The following CYP2J2 variants were observed in gnomAD, a reference collection of about 807,000 sequenced individuals.
CYP2J2 encodes cytochrome P450 2J2.
Under a neutral mutation model 48.8 loss-of-function variants are expected in CYP2J2, and 41 were observed. That is an observed-to-expected ratio of 0.84 (90% CI 0.66 to 1.09). CYP2J2 has a LOEUF of 1.09. Among genes scored for constraint, CYP2J2 ranks in the 50% least tolerant of loss-of-function variants. The pLI is 0.00. For missense variants in CYP2J2, 644 were observed against 617.3 expected (o/e 1.04, Z -0.46); for synonymous variants, 221 against 227.1 (o/e 0.97, Z 0.24).
At chr1:59,960,338 A>G in the CYP2J2 span, among the ~76,000 whole-genome samples, 1 of 152,220 alleles carries the variant, frequency 6.6e-6, no homozygotes, top group African/African-American at 2.4e-5. Context: ...AGAGAGCTGG[A>G]GAAATTATAC....
rs762010130 is a variant in CYP2J2, at chr1:59,893,676, C to G, written c.1484G>C (p.Arg495Pro). The G allele has an allele frequency of 6.2e-7, 1 of 1,612,474 alleles. No homozygotes were observed. The highest frequency in any genetic ancestry group is 8.5e-7 in the Non-Finnish European group (1 of 1,179,280). Residue 495 changes from arginine (R) to proline (P), a missense_variant, in exon 9 of 9, where the codon CGC (arginine) becomes CCC (proline). Coordinates refer to ENST00000371204, the MANE Select transcript of CYP2J2 (RefSeq NM_000775.4). ...TTACACCTGAGGAACAGCGCAGAGG[C>G]GGTGACTGACTGGGGAAATGGTGAT... is the stretch of plus-strand genomic sequence containing the variant. ...MGITISPVSHRLCAVPQV is the reference protein window; with the variant it reads ...MGITISPVSHPLCAVPQV
chr1:59,939,186 T>C, the CYP2J2 span, among the ~76,000 whole-genome samples: 1 of 152,214 alleles, frequency 6.6e-6, no homozygotes, highest in South Asian at 2.1e-4. Flanking sequence ...TAGGTATTTA[T>C]TGTAGTCTTC....
At chr1:59,935,111 T>C in the CYP2J2 span, among the ~76,000 whole-genome samples, 5 of 143,520 alleles carry the variant, frequency 3.5e-5, no homozygotes, top group African/African-American at 1.3e-4. Context: ...TTCAACAACA[T>C]GGACGAATGT....
the CYP2J2 span, among the ~76,000 whole-genome samples, chr1:59,968,713 C>A: frequency 6.6e-6 from 1 of 152,210 alleles, no homozygotes; most frequent in Non-Finnish European, 1.5e-5. Flanking sequence ...GGGGACCAAC[C>A]AGCACATGCA....
chr1:59,906,799 A>G (rs1644368775), intron 6 of CYP2J2, among the ~76,000 whole-genome samples: 1 of 152,226 alleles, frequency 6.6e-6, no homozygotes, highest in Non-Finnish European at 1.5e-5. Context: ...ATACCTAAAT[A>G]TACATATAAA....
chr1:59,900,840 G>A lies in CYP2J2; in HGVS notation c.1330+125C>T, dbSNP rs1438614071. ...CCAGGGCTGCCCCCTACAGCAAGAT[G>A]GAGTGAGTCGCACTGGCCAGGCTGT... is the stretch of plus-strand genomic sequence containing the variant. On this transcript the variant is annotated intron_variant, in intron 8 of 8. Transcript: ENST00000371204. 9.2e-6 allele frequency: 10 copies of A among 1,084,990 alleles called. No individual in the cohort carries two copies. The Admixed American group carries it at 2.0e-4, about 22-fold the overall frequency. The allele number at this position is 1,084,990 out of a possible 1,614,324, so 67.2% of individuals were successfully genotyped here. A position where few individuals can be genotyped will look rare whatever the true frequency, so the allele number is the denominator to read the frequency against.
chr1:59,938,402 G>T, the CYP2J2 span, among the ~76,000 whole-genome samples: 2 of 152,168 alleles, frequency 1.3e-5, no homozygotes, highest in Non-Finnish European at 2.9e-5. Flanking sequence ...TGAGGAGAAG[G>T]TCAGCAAGAA....
chr1:59,941,730 GT>G, the CYP2J2 span, among the ~76,000 whole-genome samples: 2 of 151,862 alleles, frequency 1.3e-5, no homozygotes, highest in African/African-American at 4.8e-5. Context: ...TGGTGTCTTA[GT>G]TTTTAATAAA....
chr1:59,947,360 T>C, the CYP2J2 span, among the ~76,000 whole-genome samples: 55 of 152,130 alleles, frequency 3.6e-4, no homozygotes, highest in Non-Finnish European at 4.7e-4. Flanking sequence ...CGAAAACCCA[T>C]AAAGCATCAT....
At chr1:59,937,884 A>C in the CYP2J2 span, among the ~76,000 whole-genome samples, 21 of 152,080 alleles carry the variant, frequency 1.4e-4, no homozygotes, top group Non-Finnish European at 2.9e-4. Context: ...TATGTCAATT[A>C]CATTTTTCAG....
At chr1:59,935,025 T>TATACACAC in the CYP2J2 span, among the ~76,000 whole-genome samples, 6 of 85,838 alleles carry the variant, frequency 7.0e-5, no homozygotes, top group East Asian at 1.2e-3. Flanking sequence ...CATATATATA[T>TATACACAC]ATATATATAT....
chr1:59,916,060 C>T lies in CYP2J2; in HGVS notation c.251G>A (p.Gly84Asp), dbSNP rs779601407. 6 of 1,611,984 alleles carry T rather than the reference C, an allele frequency of 3.7e-6. No individual in the cohort carries two copies. The Admixed American group carries it at 1.0e-4, about 27-fold the overall frequency. ...AGTAATAAGAACTGCAGATATGTCA[C>T]CAAGCTCCAAGCTAAAAAGGTTCCC... ...KYGNLFSLELGDISAVLITGL... is the reference protein window; with the variant it reads ...KYGNLFSLELDDISAVLITGL... The change falls in exon 2 of 9, where the codon GGT becomes GAT. Residue 84 changes from glycine to aspartate, a missense_variant. Transcript: ENST00000371204.
rs370041144 is a variant in CYP2J2 at position 59,918,670 on chromosome 1, G to GA, written c.211-2571dup. On this transcript the variant is annotated intron_variant, in intron 1 of 8. Transcript: ENST00000371204. ...AATTGTATATCATTAAATGAGCCACGAAAAAAAAAAAACCTTAACAGAATA... is the reference window on the plus strand; with the variant it reads ...AATTGTATATCATTAAATGAGCCACGAAAAAAAAAAAAACCTTAACAGAATA... Among the ~76,000 whole-genome samples, 713 of 129,690 alleles carry GA rather than the reference G, an allele frequency of 5.5e-3. 1 individual carries two copies. The highest frequency in any genetic ancestry group is 9.3e-3 in the African/African-American group (329 of 35,452). The allele number at this position is 129,690 out of a possible 152,430, so 85.1% of individuals were successfully genotyped here.
chr1:59,967,922 G>A, the CYP2J2 span, among the ~76,000 whole-genome samples: 1 of 152,172 alleles, frequency 6.6e-6, no homozygotes, highest in African/African-American at 2.4e-5. Flanking sequence ...ACAAACAGCT[G>A]CACGGTCTAC....
At chr1:59,920,668 A>G (rs1053462458) in intron 1 of CYP2J2, among the ~76,000 whole-genome samples, 1 of 152,122 alleles carries the variant, frequency 6.6e-6, no homozygotes, top group African/African-American at 2.4e-5. Context: ...TTGGTTTTCA[A>G]TCAGAATTCT....
chr1:59,937,312 C>T, the CYP2J2 span, among the ~76,000 whole-genome samples: 5 of 152,170 alleles, frequency 3.3e-5, no homozygotes, highest in Non-Finnish European at 5.9e-5. Flanking sequence ...ACTCATATCC[C>T]ATTGTCCAGA....
At chr1:59,932,997 A>G in the CYP2J2 span, among the ~76,000 whole-genome samples, 1 of 152,194 alleles carries the variant, frequency 6.6e-6, no homozygotes, top group Non-Finnish European at 1.5e-5. Context: ...TTTAGCAGAT[A>G]AGTTTGCTCC....
chr1:59,935,051 TAC>T, the CYP2J2 span, among the ~76,000 whole-genome samples: 1 of 107,758 alleles, frequency 9.3e-6, no homozygotes, highest in African/African-American at 3.8e-5. Flanking sequence ...TATATATATA[TAC>T]ACAACAGAAT....
the CYP2J2 span, among the ~76,000 whole-genome samples, chr1:59,954,437 ACAG>A: frequency 6.6e-6 from 1 of 152,304 alleles, no homozygotes; most frequent in Non-Finnish European, 1.5e-5. Flanking sequence ...AGTGGAGAAA[ACAG>A]CAGATGACAA....
Sources: allele counts gnomAD v4.1 joint callset (sites outside exome capture counted in the v4.1 genomes callset), GRCh38; gene constraint gnomAD v4.1.1; transcripts MANE v1.5; gene names NCBI Gene and HGNC (gene_info 2026-07-23, HGNC 2026-07-21).